The following GYS2 variants were observed in gnomAD, a reference collection of about 807,000 sequenced individuals.
GYS2 encodes the protein glycogen [starch] synthase, liver.
Under a neutral mutation model 85.6 loss-of-function variants are expected in GYS2, and 80 were observed. That is an observed-to-expected ratio of 0.93 (90% CI 0.78 to 1.13). The LOEUF (loss-of-function observed/expected upper bound fraction) is 1.13. Among genes scored for constraint, GYS2 ranks in the 50% most tolerant of loss-of-function variants. The probability of loss-of-function intolerance (pLI) is 0.00; values close to 1 mark genes in which losing one functional copy is unlikely to be tolerated. For missense variants in GYS2, 881 were observed against 854.9 expected, an observed-to-expected ratio of 1.03 and a Z score of -0.38; for synonymous variants, 328 against 300.7, an observed-to-expected ratio of 1.09 and a Z score of -0.94.
intron 5 of GYS2, among the ~76,000 whole-genome samples, chr12:21,566,566 A>C (rs1003584664): frequency 3.9e-5 from 6 of 152,168 alleles, no homozygotes; most frequent in Non-Finnish European, 5.9e-5. Context: ...GCACTCAGTA[A>C]TAGATGAGAA....
chr12:21,540,515 AG>A lies in GYS2; in HGVS notation c.1703del (p.Thr568IlefsTer34). On this transcript the variant is annotated frameshift_variant, in exon 14 of 16. Coordinates refer to ENST00000261195, the MANE Select transcript of GYS2 (RefSeq NM_021957.4). LOFTEE classifies it high-confidence loss of function. The part of the protein sequence containing the change: ...RSPDDSCNQL[T>X]KFLYGFCKQS... ...GTTTGCAAAATCCATAGAGAAACTT[AG>A]TCAGCTGATTGCAAGAATCATCTGG... 6.2e-7 allele frequency: 1 copy of A among 1,613,900 alleles called. No homozygotes were observed. The highest frequency in any genetic ancestry group is 8.5e-7 in the Non-Finnish European group (1 of 1,179,810).
chr12:21,602,852 T>C (rs963260194), intron 1 of GYS2, among the ~76,000 whole-genome samples: 2 of 152,048 alleles, frequency 1.3e-5, no homozygotes, highest in African/African-American at 4.8e-5. Flanking sequence ...GTTTGTTAAA[T>C]GATGAGAAAA....
intron 1 of GYS2, among the ~76,000 whole-genome samples, chr12:21,582,860 T>C (rs1428027210): frequency 1.3e-5 from 2 of 152,220 alleles, no homozygotes; most frequent in African/African-American, 4.8e-5. Flanking sequence ...TAGAGAGTTA[T>C]GCAAAATAAA....
Position 21,539,380 on chromosome 12 carries a change from A to C in GYS2, c.1810-42T>G, listed in dbSNP as rs372224096. The C allele has an allele frequency of 2.0e-5, 21 of 1,026,606 alleles. No homozygotes were observed. In the East Asian group the frequency reaches 4.5e-4, roughly 22 times the overall value. 63.6% of individuals were successfully genotyped at this position (1,026,606 alleles called of 1,614,324 possible). Reference sequence around the variant, plus strand: ...AAATCACAGGTTAATAAAAACCCTTAGATATCTCAATAATCAAGTTATTAA... The same window carrying C: ...AAATCACAGGTTAATAAAAACCCTTCGATATCTCAATAATCAAGTTATTAA... On this transcript the variant is annotated intron_variant, in intron 14 of 15. Coordinates refer to ENST00000261195, the MANE Select transcript of GYS2 (RefSeq NM_021957.4).
At chr12:21,585,154 C>G (rs1339873971) in intron 1 of GYS2, among the ~76,000 whole-genome samples, 1 of 152,138 alleles carries the variant, frequency 6.6e-6, no homozygotes, top group African/African-American at 2.4e-5. Flanking sequence ...ACCATCACCC[C>G]TAGTGTTCCA....
chr12:21,563,946 A>T (rs1270668764), intron 5 of GYS2, among the ~76,000 whole-genome samples: 1 of 152,168 alleles, frequency 6.6e-6, no homozygotes, highest in East Asian at 1.9e-4. Flanking sequence ...GAAACCTCTT[A>T]CTTCTAATTT....
chr12:21,585,286 T>A (rs1944559798), intron 1 of GYS2, among the ~76,000 whole-genome samples: 1 of 152,062 alleles, frequency 6.6e-6, no homozygotes, highest in African/African-American at 2.4e-5. Flanking sequence ...AACTGCAAAT[T>A]AAGATTGCCA....
chr12:21,546,435 A>C lies in GYS2; in HGVS notation c.1458T>G (p.Ser486Arg), dbSNP rs777922242. 2.5e-6 allele frequency: 4 copies of C among 1,599,258 alleles called. No individual in the cohort carries two copies. Among genetic ancestry groups the C allele is most frequent in the Non-Finnish European group, 3.4e-6 (4 of 1,167,420 alleles). ...ILHPEFLSST[S>R]PLLPMDYEEF... is the part of the protein sequence containing the mutation. ...CTTCATAGTCCATGGGTAGTAAGGG[A>C]CTGGTGGAGGATAGAAACTCTGGGT... Residue 486 changes from serine (S) to arginine (R), a missense_variant, in exon 12 of 16, where the codon AGT becomes AGG. By Grantham distance (110) the Ser-to-Arg change is moderately radical (BLOSUM62 -1). Coordinates refer to ENST00000261195, the MANE Select transcript of GYS2 (RefSeq NM_021957.4).
At chr12:21,552,962 C>A (rs1351110) in intron 11 of GYS2, among the ~76,000 whole-genome samples, 110,308 of 152,114 alleles carry the variant, frequency 0.73, 40,552 homozygotes, top group South Asian at 0.8. Flanking sequence ...AATGAGTTCC[C>A]ATCATGTGTC....
chr12:21,572,050 A>G (rs2136899746), intron 4 of GYS2, among the ~76,000 whole-genome samples: 1 of 152,256 alleles, frequency 6.6e-6, no homozygotes, highest in Non-Finnish European at 1.5e-5. Context: ...AGGAAAAAAA[A>G]GAATTTATTA....
chr12:21,538,064 G>T (rs1943930961), intron 15 of GYS2, among the ~76,000 whole-genome samples: 3 of 152,162 alleles, frequency 2.0e-5, no homozygotes, highest in African/African-American at 7.2e-5. Context: ...GGTGCTCAAT[G>T]CTTATTAGAC....
intron 1 of GYS2, among the ~76,000 whole-genome samples, chr12:21,581,899 A>G (rs1285133119): frequency 6.6e-6 from 1 of 152,224 alleles, no homozygotes; most frequent in African/African-American, 2.4e-5. Context: ...GGAGGGAAAG[A>G]CAGGCTCTAA....
Position 21,540,870 on chromosome 12 carries a change from C to T in GYS2, c.1646-297G>A, listed in dbSNP as rs145804442. Among the ~76,000 whole-genome samples, 268 of 152,158 alleles carry T rather than the reference C, an allele frequency of 1.8e-3. 2 individuals are homozygous for T. Among genetic ancestry groups the T allele is most frequent in the Non-Finnish European group, 1.3e-3 (86 of 68,010 alleles). On this transcript the variant is annotated intron_variant, in intron 13 of 15. Coordinates refer to ENST00000261195, the MANE Select transcript of GYS2 (RefSeq NM_021957.4). ...TGCTCACTAACCAGAATTTCCAGGG[C>T]GGGGCCTGGATATCTGTGCCTTTTA...
Position 21,574,236 on chromosome 12 carries a change from GT to G in GYS2, c.585del (p.Lys195AsnfsTer67). The G allele has an allele frequency of 6.2e-7, 1 of 1,613,592 alleles. No individual in the cohort carries two copies. Among genetic ancestry groups the G allele is most frequent in the Non-Finnish European group, 8.5e-7 (1 of 1,179,556 alleles). On this transcript the variant is annotated frameshift_variant, in exon 4 of 16. Coordinates refer to ENST00000261195, the MANE Select transcript of GYS2 (RefSeq NM_021957.4). LOFTEE classifies it high-confidence loss of function. ...GTTGTAAATATTGTGGCAATAGGAAGTTTCCTGGCTCGAGAAAGGATCAGTC... is the reference window on the plus strand; with the variant it reads ...GTTGTAAATATTGTGGCAATAGGAAGTTCCTGGCTCGAGAAAGGATCAGTC... Reference protein sequence around the residue: ...GIGLILSRARKLPIATIFTTH... With the variant: ...GIGLILSRARXLPIATIFTTH...
chr12:21,580,240 C>G, intron 2 of GYS2, 102 bp downstream of exon 2: 2 of 1,083,860 alleles, frequency 1.8e-6, no homozygotes, highest in East Asian at 2.4e-5. Context: ...GAAAGTTTTC[C>G]TTAAGTAAGT....
chr12:21,539,544 A>G (rs1943948533), intron 14 of GYS2, among the ~76,000 whole-genome samples: 1 of 152,244 alleles, frequency 6.6e-6, no homozygotes, highest in Admixed American at 6.5e-5. Context: ...GAGTAATACT[A>G]TAAAATGCTG....
intron 1 of GYS2, among the ~76,000 whole-genome samples, chr12:21,582,926 A>G (rs1565608643): frequency 1.3e-5 from 2 of 152,342 alleles, no homozygotes; most frequent in East Asian, 1.9e-4. Flanking sequence ...TAGCTACTGT[A>G]TACATAATAC....
Position 21,574,213 on chromosome 12 carries a change from T to C in GYS2, c.609A>G (p.Thr203=), listed in dbSNP as rs1460070662. The C allele has an allele frequency of 6.2e-7, 1 of 1,613,234 alleles. No homozygotes were observed. The highest frequency in any genetic ancestry group is 1.3e-5 in the African/African-American group (1 of 74,886). The change falls in exon 4 of 16, where the codon ACA becomes ACG. Residue 203 remains threonine (T), a synonymous_variant. Transcript: ENST00000261195. ...ARKLPIATIF[T]THATLLGRYL... ...ACCTCCCAAGTAGTGTAGCGTGGGT[T>C]GTAAATATTGTGGCAATAGGAAGTT...
intron 11 of GYS2, among the ~76,000 whole-genome samples, chr12:21,546,817 C>T (rs1353137769): frequency 6.6e-6 from 1 of 152,086 alleles, no homozygotes; most frequent in Non-Finnish European, 1.5e-5. Flanking sequence ...TCTAATTGCT[C>T]TTGTCTTTTT....
Sources: allele counts gnomAD v4.1 joint callset (sites outside exome capture counted in the v4.1 genomes callset), GRCh38; gene constraint gnomAD v4.1.1; transcripts MANE v1.5; gene names NCBI Gene and HGNC (gene_info 2026-07-23, HGNC 2026-07-21).